The following MDGA2 variants were observed in gnomAD, a reference collection of about 807,000 sequenced individuals.
The protein encoded by MDGA2 is MAM domain-containing glycosylphosphatidylinositol anchor protein 2.
In MDGA2, 40 loss-of-function variants were observed where a neutral mutation model predicts 117.8. The observed-to-expected ratio is 0.34, with a 90% CI of 0.26 to 0.44. The LOEUF is 0.44. Ranked by LOEUF, MDGA2 falls within the 20% of genes least tolerant of loss-of-function variation. The pLI is 1.00. For missense variants in MDGA2, 1,123 were observed against 1,250.6 expected (o/e 0.90, Z 1.54); for synonymous variants, 452 against 439.0 (o/e 1.03, Z -0.37).
rs1278709594 is a variant in MDGA2, at chr14:47,615,506, C to T, written c.280+59011G>A. The stretch of plus-strand genomic sequence containing the variant: ...CTGGTGTAGTTAAAAGTCTGAAATG[C>T]GGAATGTGCAAGTCTACACTAAGTA... On this transcript the variant is annotated intron_variant, in intron 1 of 16. Coordinates refer to ENST00000399232, the MANE Select transcript of MDGA2 (RefSeq NM_001113498.3). 2.0e-5 allele frequency among the ~76,000 whole-genome samples: 3 copies of T among 152,064 alleles called. No homozygotes were observed. In the East Asian group the frequency reaches 5.8e-4, roughly 29 times the overall value.
chr14:47,561,334 T>G (rs1895812713), intron 1 of MDGA2, among the ~76,000 whole-genome samples: 1 of 152,058 alleles, frequency 6.6e-6, no homozygotes, highest in African/African-American at 2.4e-5. Context: ...CATAGCCATT[T>G]TAACGATATT....
In MDGA2 at chr14:47,475,814, CTG is replaced by C. The variant is rs1203243659; in HGVS notation, c.281-174266_281-174265del. Among the ~76,000 whole-genome samples, 9 of 152,240 alleles carry C rather than the reference CTG, an allele frequency of 5.9e-5. No homozygotes were observed. In the East Asian group the frequency reaches 1.5e-3, roughly 26 times the overall value. On this transcript the variant is annotated intron_variant, in intron 1 of 16. Coordinates refer to ENST00000399232, the MANE Select transcript of MDGA2 (RefSeq NM_001113498.3). The stretch of plus-strand genomic sequence containing the variant: ...ACAGTAGTAGAGGGAACAAAACACA[CTG>C]GGGCCTGTCAGGGATCGGGGAGCAT...
chr14:47,590,716 G>A (rs923746685), intron 1 of MDGA2, among the ~76,000 whole-genome samples: 6 of 151,868 alleles, frequency 4.0e-5, no homozygotes, highest in Non-Finnish European at 8.8e-5. Flanking sequence ...TGGCTGATGT[G>A]ATTATTGTAC....
intron 1 of MDGA2, among the ~76,000 whole-genome samples, chr14:47,309,965 T>A (rs974782971): frequency 5.3e-5 from 8 of 152,166 alleles, no homozygotes; most frequent in African/African-American, 1.9e-4. Context: ...ATTTTCTGTG[T>A]AAAAACTATC....
chr14:47,472,579 C>T (rs758245862), intron 1 of MDGA2, among the ~76,000 whole-genome samples: 5 of 152,048 alleles, frequency 3.3e-5, no homozygotes, highest in Non-Finnish European at 5.9e-5. Flanking sequence ...TTAGTTAATG[C>T]CAGTGGAGGT....
In MDGA2 at chr14:47,511,925, G is replaced by A. The variant is rs530539290; in HGVS notation, c.280+162592C>T. ...TCAGGTCTACCGCTCAAAGAAACAG[G>A]GGTTTGTGTGTGTGTGTATTTAATG... On this transcript the variant is annotated intron_variant, in intron 1 of 16. Coordinates refer to ENST00000399232, the MANE Select transcript of MDGA2 (RefSeq NM_001113498.3). Among the ~76,000 whole-genome samples, 6 of 152,094 alleles carry A rather than the reference G, an allele frequency of 3.9e-5. No homozygotes were observed. The South Asian group carries it at 8.3e-4, about 21-fold the overall frequency.
At chr14:47,538,568 CA>C (rs1323120027) in intron 1 of MDGA2, among the ~76,000 whole-genome samples, 1 of 152,136 alleles carries the variant, frequency 6.6e-6, no homozygotes, top group Non-Finnish European at 1.5e-5. Context: ...TCCTTAAAGG[CA>C]GCGTTTTCTC....
chr14:46,891,618 T>G (rs1317688870), intron 10 of MDGA2, among the ~76,000 whole-genome samples: 5 of 151,516 alleles, frequency 3.3e-5, no homozygotes, highest in Non-Finnish European at 7.4e-5. Flanking sequence ...TATTCATGAT[T>G]TGGTAGAGTT....
At chr14:46,880,024 A>G (rs2101643) in intron 11 of MDGA2, among the ~76,000 whole-genome samples, 1 of 151,968 alleles carries the variant, frequency 6.6e-6, no homozygotes, top group Non-Finnish European at 1.5e-5. Flanking sequence ...TCTGATAATC[A>G]GTGATAAAAA....
At chr14:47,092,229 A>G (rs1879700288) in intron 6 of MDGA2, among the ~76,000 whole-genome samples, 1 of 152,202 alleles carries the variant, frequency 6.6e-6, no homozygotes. Flanking sequence ...AGATAGAACC[A>G]GAAGGACTGG....
chr14:47,229,337 A>T (rs1886611023), intron 2 of MDGA2, among the ~76,000 whole-genome samples: 1 of 152,130 alleles, frequency 6.6e-6, no homozygotes, highest in Non-Finnish European at 1.5e-5. Context: ...TCATGTGCTA[A>T]GAATGGGTCC....
chr14:47,060,118 G>T (rs1594577976), intron 7 of MDGA2, among the ~76,000 whole-genome samples: 1 of 151,870 alleles, frequency 6.6e-6, no homozygotes, highest in Admixed American at 6.6e-5. Flanking sequence ...ATTGTCTCTA[G>T]CTTTTTTTTA....
intron 2 of MDGA2, among the ~76,000 whole-genome samples, chr14:47,225,640 C>T (rs1309024476): frequency 6.7e-6 from 1 of 149,416 alleles, no homozygotes; most frequent in Non-Finnish European, 1.5e-5. Context: ...GGAAGGGGAA[C>T]ATCACACTCT....
At chr14:47,176,548 A>G (rs1489737851) in intron 3 of MDGA2, among the ~76,000 whole-genome samples, 4 of 152,158 alleles carry the variant, frequency 2.6e-5, no homozygotes, top group South Asian at 2.1e-4. Context: ...CAAGCAATGG[A>G]GAAAGGATTC....
intron 1 of MDGA2, among the ~76,000 whole-genome samples, chr14:47,552,235 T>A (rs1895595662): frequency 6.6e-6 from 1 of 152,156 alleles, no homozygotes; most frequent in Non-Finnish European, 1.5e-5. Flanking sequence ...GTCCACAGAC[T>A]TAAATACCAC....
At chr14:46,852,534 G>T (rs901899139) in intron 15 of MDGA2, among the ~76,000 whole-genome samples, 3 of 151,858 alleles carry the variant, frequency 2.0e-5, no homozygotes, top group African/African-American at 7.2e-5. Context: ...GCACTGCAGA[G>T]AGTCCTCCTT....
At chr14:47,289,318 C>CACAA (rs1314395998) in intron 2 of MDGA2, among the ~76,000 whole-genome samples, 1 of 150,466 alleles carries the variant, frequency 6.6e-6, no homozygotes, top group East Asian at 1.9e-4. Flanking sequence ...CACACACACA[C>CACAA]ACACACACAC....
At chr14:47,200,858 G>A in intron 3 of MDGA2, 4 of 844,158 alleles carry the variant, frequency 4.7e-6, no homozygotes, top group South Asian at 2.7e-5. Flanking sequence ...GTCATAGGGC[G>A]GTGGGATGCC....
At chr14:46,907,475 A>G (rs575366107) in intron 10 of MDGA2, among the ~76,000 whole-genome samples, 81 of 152,250 alleles carry the variant, frequency 5.3e-4, no homozygotes, top group Non-Finnish European at 9.9e-4. Flanking sequence ...TTAGACCTCT[A>G]TTGTTCTCAT....
Sources: gnomAD v4.1 joint callset for allele counts (sites outside exome capture counted in the v4.1 genomes callset) on GRCh38, gnomAD v4.1.1 for gene constraint, MANE v1.5 for transcripts, NCBI Gene and HGNC (gene_info 2026-07-23, HGNC 2026-07-21) for gene names.